Variants in ARL15 observed in about 807,000 individuals in gnomAD.
ARL15 encodes ADP-ribosylation factor-like protein 15.
Under a neutral mutation model 25.2 loss-of-function variants are expected in ARL15, and 19 were observed. The ratio of observed to expected loss-of-function variants is 0.75; its 90% CI spans 0.53 to 1.10. The LOEUF (loss-of-function observed/expected upper bound fraction) is 1.10, where lower values mean the gene tolerates loss of function less well. ARL15 is among the 50% of genes least tolerant of loss of function. The probability of loss-of-function intolerance (pLI) is 0.00; values close to 1 mark genes in which losing one functional copy is unlikely to be tolerated. For synonymous variants in ARL15, 94 were observed against 86.8 expected (o/e 1.08, Z -0.46); for missense variants, 220 against 246.0 (o/e 0.89, Z 0.71).
chr5:54,064,190 A>C (rs1418187346), intron 4 of ARL15, among the ~76,000 whole-genome samples: 1 of 150,980 alleles, frequency 6.6e-6, no homozygotes, highest in Non-Finnish European at 1.5e-5. Flanking sequence ...TCCAGCCTGA[A>C]CTTAGACTGG....
intron 2 of ARL15, among the ~76,000 whole-genome samples, chr5:54,165,634 C>T (rs1479198656): frequency 6.7e-6 from 1 of 149,470 alleles, no homozygotes; most frequent in East Asian, 1.9e-4. Flanking sequence ...TTTCTTTGTA[C>T]TACTTTGTTC....
intron 4 of ARL15, among the ~76,000 whole-genome samples, chr5:53,887,588 C>T (rs186024755): frequency 1.2e-4 from 19 of 152,250 alleles, no homozygotes; most frequent in Non-Finnish European, 2.1e-4. Context: ...TATCATAAAA[C>T]ACAAAGTTCA....
chr5:54,275,117 C>G (rs1302344840), intron 1 of ARL15, among the ~76,000 whole-genome samples: 3 of 152,200 alleles, frequency 2.0e-5, no homozygotes, highest in Admixed American at 2.0e-4. Context: ...ATTTGCCACA[C>G]AACACAAAAC....
At chr5:54,199,940 T>C (rs13159451) in intron 1 of ARL15, among the ~76,000 whole-genome samples, 25,154 of 140,136 alleles carry the variant, frequency 0.18, 2,556 homozygotes, top group Middle Eastern at 0.27. Flanking sequence ...GTGGCACATA[T>C]ACACCATGGA....
chr5:54,138,096 C>CA (rs1043891257), intron 3 of ARL15, among the ~76,000 whole-genome samples: 1 of 152,122 alleles, frequency 6.6e-6, no homozygotes, highest in African/African-American at 2.4e-5. Flanking sequence ...TGTAATGCTA[C>CA]AAATTACTTA....
Position 54,192,868 on chromosome 5 carries a change from T to C in ARL15, c.49-20940A>G, listed in dbSNP as rs1180605164. On this transcript the variant is annotated intron_variant, in intron 1 of 4. Coordinates refer to ENST00000504924, the MANE Select transcript of ARL15 (RefSeq NM_019087.3). ...GATCAGAACACACAGATAACCATTG[T>C]ATCTGGAAATATGGAGGATATTGGT... 2.6e-5 allele frequency among the ~76,000 whole-genome samples: 4 copies of C among 152,180 alleles called. No individual in the cohort carries two copies. The East Asian group carries it at 7.7e-4, about 29-fold the overall frequency.
chr5:53,945,219 A>G (rs1746682239), intron 4 of ARL15, among the ~76,000 whole-genome samples: 1 of 152,224 alleles, frequency 6.6e-6, no homozygotes, highest in Non-Finnish European at 1.5e-5. Flanking sequence ...TTCCTGATCT[A>G]ACAGACAATC....
At chr5:54,157,556 CA>C (rs992500739) in intron 2 of ARL15, among the ~76,000 whole-genome samples, 1 of 151,950 alleles carries the variant, frequency 6.6e-6, no homozygotes, top group African/African-American at 2.4e-5. Context: ...GGACTACAGG[CA>C]CCCACCACCA....
At chr5:54,306,634 G>T (rs764660852) in intron 1 of ARL15, among the ~76,000 whole-genome samples, 2 of 152,070 alleles carry the variant, frequency 1.3e-5, no homozygotes, top group Non-Finnish European at 2.9e-5. Context: ...CAAGTGATCC[G>T]CCTGTCTTGC....
chr5:54,242,965 G>T (rs1014734943), intron 1 of ARL15, among the ~76,000 whole-genome samples: 2 of 152,108 alleles, frequency 1.3e-5, no homozygotes, highest in Non-Finnish European at 1.5e-5. Context: ...CCAATCCCTA[G>T]ATGTAGACAA....
At chr5:54,269,302 C>A (rs1050502752) in intron 1 of ARL15, among the ~76,000 whole-genome samples, 2 of 152,050 alleles carry the variant, frequency 1.3e-5, no homozygotes, top group Non-Finnish European at 2.9e-5. Context: ...TTCTTGAATT[C>A]ATACATCTTT....
chr5:53,997,784 A>T (rs1748728739), intron 4 of ARL15, among the ~76,000 whole-genome samples: 1 of 152,184 alleles, frequency 6.6e-6, no homozygotes, highest in African/African-American at 2.4e-5. Context: ...TATTTTAAAA[A>T]GAAAATAAAA....
intron 4 of ARL15, among the ~76,000 whole-genome samples, chr5:54,013,954 C>CT (rs1394740010): frequency 5.3e-5 from 8 of 152,128 alleles, no homozygotes; most frequent in Non-Finnish European, 1.2e-4. Flanking sequence ...TAATTGAACT[C>CT]TTTCTCTAAT....
chr5:54,249,829 T>C (rs1253978141), intron 1 of ARL15, among the ~76,000 whole-genome samples: 1 of 152,146 alleles, frequency 6.6e-6, no homozygotes, highest in Non-Finnish European at 1.5e-5. Flanking sequence ...AACAGGGCTA[T>C]AGCAGTTTCT....
intron 4 of ARL15, among the ~76,000 whole-genome samples, chr5:53,927,439 A>G (rs969956554): frequency 6.6e-6 from 1 of 152,150 alleles, no homozygotes; most frequent in Non-Finnish European, 1.5e-5. Flanking sequence ...GTGGTTATAC[A>G]TTTGGCTCTG....
At chr5:54,145,850 G>A (rs1753894084) in intron 3 of ARL15, among the ~76,000 whole-genome samples, 1 of 152,176 alleles carries the variant, frequency 6.6e-6, no homozygotes. Context: ...TTATACTATA[G>A]TACAGTGAAC....
chr5:54,251,652 G>A lies in ARL15; in HGVS notation c.48+58780C>T, dbSNP rs571890829. ...TAAAGACCTCAGACCTACTGATTCAGAATCTCCAAGAATAAGGATCCAACA... is the reference window on the plus strand; with the variant it reads ...TAAAGACCTCAGACCTACTGATTCAAAATCTCCAAGAATAAGGATCCAACA... On this transcript the variant is annotated intron_variant, in intron 1 of 4. Coordinates refer to ENST00000504924, the MANE Select transcript of ARL15 (RefSeq NM_019087.3). Among the ~76,000 whole-genome samples, 12 of 152,308 alleles carry A rather than the reference G, an allele frequency of 7.9e-5. No homozygotes were observed. The East Asian group carries it at 1.9e-3, about 24-fold the overall frequency.
At position 53,885,089 on chromosome 5, in the gene ARL15, TATCTTCTGGAGAATTACC is replaced by T. The variant is rs1349708641; in HGVS notation, c.*1454_*1471del. 2.0e-5 allele frequency: 3 copies of T among 152,668 alleles called. No homozygotes were observed. Among genetic ancestry groups the T allele is most frequent in the Non-Finnish European group, 4.4e-5 (3 of 68,048 alleles). 9.5% of individuals were successfully genotyped at this position (152,668 alleles called of 1,614,324 possible). ...TAAATGGCATTAAGGGTCTGAAGTC[TATCTTCTGGAGAATTACC>T]AGGTATTACATCATTCTGTAATATA... is the stretch of plus-strand genomic sequence containing the variant. On this transcript the variant is annotated 3_prime_UTR_variant, in exon 5 of 5. Coordinates refer to ENST00000504924, the MANE Select transcript of ARL15 (RefSeq NM_019087.3).
At position 53,953,029 on chromosome 5, in the gene ARL15, C is replaced by T. The variant is rs79296771; in HGVS notation, c.463-66316G>A. Reference sequence around the variant, plus strand: ...ACTTCTGCAAATGTTCACTTTACTACGCAGCTCCACTGTCATAAAACAGTC... The same window carrying T: ...ACTTCTGCAAATGTTCACTTTACTATGCAGCTCCACTGTCATAAAACAGTC... On this transcript the variant is annotated intron_variant, in intron 4 of 4. Transcript: ENST00000504924. Among the ~76,000 whole-genome samples the T allele has an allele frequency of 7.0e-4, 106 of 152,248 alleles. 1 individual carries two copies. In the East Asian group the frequency reaches 0.013, roughly 19 times the overall value.
Sources: allele counts gnomAD v4.1 joint callset (sites outside exome capture counted in the v4.1 genomes callset), GRCh38; gene constraint gnomAD v4.1.1; transcripts MANE v1.5; gene names NCBI Gene and HGNC (gene_info 2026-07-23, HGNC 2026-07-21).